Variants in RGS5 observed in about 807,000 individuals in gnomAD.
The protein encoded by RGS5 is regulator of G-protein signalling 5.
RGS5 carries 20 observed loss-of-function variants against 18.9 expected under a neutral mutation model. The ratio of observed to expected loss-of-function variants is 1.06; its 90% CI spans 0.74 to 1.54. RGS5 has a LOEUF of 1.54. Among genes scored for constraint, RGS5 ranks in the 40% most tolerant of loss-of-function variants. RGS5 has a pLI of 0.00. For missense variants in RGS5, 201 were observed against 211.8 expected (o/e 0.95, Z 0.32); for synonymous variants, 57 against 76.2 (o/e 0.75, Z 1.31).
intron 2 of RGS5, among the ~76,000 whole-genome samples, chr1:163,230,144 T>C (rs1429316201): frequency 6.6e-6 from 1 of 152,176 alleles, no homozygotes; most frequent in Non-Finnish European, 1.5e-5. Flanking sequence ...ATCAAAAGCA[T>C]TGAGAGAGGA....
At chr1:163,178,000 T>C (rs1379424018) in intron 1 of RGS5, among the ~76,000 whole-genome samples, 1 of 152,008 alleles carries the variant, frequency 6.6e-6, no homozygotes, top group Non-Finnish European at 1.5e-5. Flanking sequence ...GTTTGATGAG[T>C]GGCAAAGAAA....
intron 2 of RGS5, among the ~76,000 whole-genome samples, chr1:163,265,990 G>T (rs1454133038): frequency 6.6e-6 from 1 of 151,908 alleles, no homozygotes; most frequent in Non-Finnish European, 1.5e-5. Flanking sequence ...GCCTATACTT[G>T]TCCCTGTGCC....
intron 2 of RGS5, among the ~76,000 whole-genome samples, chr1:163,231,801 G>T (rs1355497621): frequency 6.7e-6 from 1 of 149,798 alleles, no homozygotes; most frequent in Non-Finnish European, 1.5e-5. Context: ...TATCTTCAGG[G>T]TTAAAATTGT....
intron 1 of RGS5, among the ~76,000 whole-genome samples, chr1:163,187,830 A>G (rs1312608741): frequency 6.6e-6 from 1 of 152,130 alleles, no homozygotes; most frequent in Admixed American, 6.5e-5. Context: ...GGTCCTGGGA[A>G]CCTTAACTTG....
Position 163,147,112 on chromosome 1 carries a change from CTTAA to C in RGS5, c.*226_*229del, listed in dbSNP as rs1408046410. ...GTGTCTGACTACAAGCTGAAGATAT[CTTAA>C]TTAATAACAGGGCAGGAAGAATTGA... On this transcript the variant is annotated 3_prime_UTR_variant, in exon 5 of 5. Transcript: ENST00000313961. 7 of 357,692 alleles carry C rather than the reference CTTAA, an allele frequency of 2.0e-5. No homozygotes were observed. Among genetic ancestry groups the C allele is most frequent in the African/African-American group, 1.5e-4 (7 of 47,630 alleles). The allele number at this position is 357,692 out of a possible 1,614,324, so 22.2% of individuals were successfully genotyped here.
At chr1:163,191,735 C>T (rs973883472) in intron 1 of RGS5, among the ~76,000 whole-genome samples, 10 of 152,072 alleles carry the variant, frequency 6.6e-5, no homozygotes, top group Admixed American at 2.0e-4. Flanking sequence ...CTTGGAAATT[C>T]CTGGGTAAGA....
chr1:163,226,490 A>G (rs995124736), intron 2 of RGS5, among the ~76,000 whole-genome samples: 2 of 152,160 alleles, frequency 1.3e-5, no homozygotes, highest in South Asian at 4.1e-4. Context: ...CTGATGCTAG[A>G]GTCTCTGGTC....
intron 2 of RGS5, among the ~76,000 whole-genome samples, chr1:163,295,105 A>G (rs1420473576): frequency 6.6e-6 from 1 of 151,924 alleles, no homozygotes; most frequent in Non-Finnish European, 1.5e-5. Flanking sequence ...ACATTGTCCT[A>G]TTTTCTTCTG....
intron 1 of RGS5, among the ~76,000 whole-genome samples, chr1:163,176,341 G>A (rs1658555503): frequency 6.6e-6 from 1 of 152,170 alleles, no homozygotes; most frequent in Non-Finnish European, 1.5e-5. Flanking sequence ...GCCTGTGCAG[G>A]CCGGGTGCAG....
chr1:163,231,348 G>A (rs1291395801), intron 2 of RGS5, among the ~76,000 whole-genome samples: 1 of 152,092 alleles, frequency 6.6e-6, no homozygotes, highest in Non-Finnish European at 1.5e-5. Context: ...GAAAACAGAG[G>A]CATGGAAATG....
intron 2 of RGS5, among the ~76,000 whole-genome samples, chr1:163,257,463 T>G (rs1378066349): frequency 6.6e-6 from 1 of 152,138 alleles, no homozygotes; most frequent in African/African-American, 2.4e-5. Context: ...GTAAGGTGGA[T>G]AGAGATCCCC....
chr1:163,187,687 C>G (rs1557896749), intron 1 of RGS5, among the ~76,000 whole-genome samples: 8 of 152,158 alleles, frequency 5.3e-5, no homozygotes. Flanking sequence ...ACTCCGCACC[C>G]CCTCCCCCAT....
chr1:163,155,179 C>T (rs1403053855), intron 3 of RGS5, among the ~76,000 whole-genome samples: 4 of 152,080 alleles, frequency 2.6e-5, no homozygotes, highest in Non-Finnish European at 4.4e-5. Context: ...AGCCCCATAT[C>T]CCCACAACCT....
chr1:163,247,605 T>TAC (rs1553223599), intron 2 of RGS5, among the ~76,000 whole-genome samples: 1 of 151,164 alleles, frequency 6.6e-6, no homozygotes. Flanking sequence ...TATATATGTA[T>TAC]ACGTATGACA....
chr1:163,302,386 C>T (rs774119499), intron 2 of RGS5, among the ~76,000 whole-genome samples: 2 of 152,134 alleles, frequency 1.3e-5, no homozygotes, highest in Non-Finnish European at 2.9e-5. Context: ...TTGTGATTTT[C>T]CCACTTACCT....
At chr1:163,288,137 T>C (rs1649190371) in intron 2 of RGS5, among the ~76,000 whole-genome samples, 1 of 147,566 alleles carries the variant, frequency 6.8e-6, no homozygotes, top group Non-Finnish European at 1.5e-5. Flanking sequence ...TACTTTTCAC[T>C]TTTTTTTTTT....
chr1:163,159,710 T>G (rs1457586897), intron 3 of RGS5, among the ~76,000 whole-genome samples: 1 of 152,184 alleles, frequency 6.6e-6, no homozygotes, highest in Non-Finnish European at 1.5e-5. Context: ...GCCCAGGTCT[T>G]AAAAATATTA....
chr1:163,300,601 TAAC>T (rs1649528743), intron 2 of RGS5: 1 of 152,200 alleles, frequency 6.6e-6, no homozygotes, highest in African/African-American at 2.4e-5. Context: ...CTCCAACAGT[TAAC>T]AAGTGATAGC....
Position 163,179,801 on chromosome 1 carries a change from T to C in RGS5, c.45-11433A>G, listed in dbSNP as rs374243701. ...GATCACATTCAATATATTTACTATA[T>C]AAATGAGAGCAATCAAGGACCTGAG... On this transcript the variant is annotated intron_variant, in intron 1 of 4. Transcript: ENST00000313961. Among the ~76,000 whole-genome samples the C allele has an allele frequency of 1.1e-4, 16 of 152,328 alleles. No homozygotes were observed. The East Asian group carries it at 2.7e-3, about 26-fold the overall frequency.
Sources: gnomAD v4.1 joint callset for allele counts (sites outside exome capture counted in the v4.1 genomes callset) on GRCh38, gnomAD v4.1.1 for gene constraint, MANE v1.5 for transcripts, NCBI Gene and HGNC (gene_info 2026-07-23, HGNC 2026-07-21) for gene names.